Variants in TTC7B observed in about 807,000 individuals in gnomAD.
The protein encoded by TTC7B is tetratricopeptide repeat domain 7B.
Under a neutral mutation model 106.8 loss-of-function variants are expected in TTC7B, and 28 were observed. The observed-to-expected ratio is 0.26, with a 90% CI of 0.19 to 0.36. The LOEUF (loss-of-function observed/expected upper bound fraction) is 0.36. Ranked by LOEUF, TTC7B falls within the 10% of genes least tolerant of loss-of-function variation. The probability of loss-of-function intolerance (pLI) is 1.00; values close to 1 mark genes in which losing one functional copy is unlikely to be tolerated. For synonymous variants in TTC7B, 405 were observed against 430.6 expected, an observed-to-expected ratio of 0.94 and a Z score of 0.74; for missense variants, 862 against 1,076.4, an observed-to-expected ratio of 0.80 and a Z score of 2.79.
chr14:90,550,442 G>A (rs970308849), intron 19 of TTC7B, among the ~76,000 whole-genome samples: 1 of 152,156 alleles, frequency 6.6e-6, no homozygotes, highest in Non-Finnish European at 1.5e-5. Flanking sequence ...CCTATAACCT[G>A]TTGAATATGT....
rs777278212 is a variant in TTC7B, at chr14:90,652,909, G to C, written c.1460-11C>G. 4.3e-6 allele frequency: 7 copies of C among 1,614,118 alleles called. No individual in the cohort carries two copies. The East Asian group carries it at 1.3e-4, about 31-fold the overall frequency. On this transcript the variant is annotated splice_polypyrimidine_tract_variant and intron_variant, in intron 12 of 19. Transcript: ENST00000328459. ...TCCCTCGCAAAGAAGCTAAGAAAAG[G>C]GTTCAATTAGTCAGTGGCATGGGGG...
At chr14:90,763,247 C>A (rs9944015) in intron 3 of TTC7B, among the ~76,000 whole-genome samples, 1 of 152,006 alleles carries the variant, frequency 6.6e-6, no homozygotes. Flanking sequence ...AATCATTCAA[C>A]GTAAAATGCA....
chr14:90,791,765 T>C (rs1287175498), intron 1 of TTC7B, among the ~76,000 whole-genome samples: 2 of 152,008 alleles, frequency 1.3e-5, no homozygotes, highest in Non-Finnish European at 2.9e-5. Flanking sequence ...AGCCACCTAT[T>C]GAGGATGAGC....
chr14:90,706,051 C>T (rs1342304872), intron 5 of TTC7B, among the ~76,000 whole-genome samples: 1 of 152,146 alleles, frequency 6.6e-6, no homozygotes, highest in African/African-American at 2.4e-5. Context: ...TGCTCTTGTT[C>T]TGACATTAGC....
At chr14:90,744,972 C>T (rs182555884) in intron 3 of TTC7B, 50 bp from the exon 4 acceptor site, 3 of 1,598,420 alleles carry the variant, frequency 1.9e-6, no homozygotes, top group Admixed American at 3.4e-5. Context: ...TTTCATAAGG[C>T]TTCATTTTTA....
At chr14:90,605,563 G>T in intron 17 of TTC7B, 3 of 1,251,350 alleles carry the variant, frequency 2.4e-6, no homozygotes, top group South Asian at 1.3e-5. Flanking sequence ...CGCAAATGAA[G>T]TAGGTCTCAC....
chr14:90,637,928 C>T (rs888447077), intron 15 of TTC7B, among the ~76,000 whole-genome samples: 1 of 152,200 alleles, frequency 6.6e-6, no homozygotes, highest in African/African-American at 2.4e-5. Flanking sequence ...GGCAGGGCCT[C>T]GCTCTGTTGC....
At chr14:90,775,653 A>G (rs1290322596) in intron 3 of TTC7B, among the ~76,000 whole-genome samples, 1 of 152,116 alleles carries the variant, frequency 6.6e-6, no homozygotes, top group African/African-American at 2.4e-5. Flanking sequence ...CTTGACGGAA[A>G]AATTTCCTGC....
rs887171564 is a variant in TTC7B at position 90,652,706 on chromosome 14, T to C, written c.1517+135A>G. Reference sequence around the variant, plus strand: ...TACAGCAGGGTTTGTGTGCTGTGTGTTCGGTGCTCAGGACGAAAGACTCTC... The same window carrying C: ...TACAGCAGGGTTTGTGTGCTGTGTGCTCGGTGCTCAGGACGAAAGACTCTC... On this transcript the variant is annotated intron_variant, in intron 13 of 19. Coordinates refer to ENST00000328459, the MANE Select transcript of TTC7B (RefSeq NM_001010854.2). 5 of 899,048 alleles carry C rather than the reference T, an allele frequency of 5.6e-6. No individual in the cohort carries two copies. In the African/African-American group the frequency reaches 8.3e-5, roughly 15 times the overall value. The allele number at this position is 899,048 out of a possible 1,614,324, so 55.7% of individuals were successfully genotyped here. A position where few individuals can be genotyped will look rare whatever the true frequency, so the allele number is the denominator to read the frequency against.
chr14:90,565,425 C>T (rs866440058), intron 19 of TTC7B, among the ~76,000 whole-genome samples: 11 of 111,472 alleles, frequency 9.9e-5, no homozygotes, highest in Admixed American at 1.3e-4. Context: ...TTTTTTGAGA[C>T]GGAGTCTTGC....
chr14:90,754,947 A>T (rs1890242138), intron 3 of TTC7B, among the ~76,000 whole-genome samples: 2 of 152,248 alleles, frequency 1.3e-5, no homozygotes, highest in African/African-American at 4.8e-5. Flanking sequence ...AATTCACATA[A>T]CATAAAATTA....
Position 90,624,613 on chromosome 14 carries a change from C to G in TTC7B, c.1752-6568G>C, listed in dbSNP as rs1300420368. 2.0e-5 allele frequency among the ~76,000 whole-genome samples: 3 copies of G among 152,182 alleles called. No individual in the cohort carries two copies. The South Asian group carries it at 6.2e-4, about 32-fold the overall frequency. On this transcript the variant is annotated intron_variant, in intron 15 of 19. Coordinates refer to ENST00000328459, the MANE Select transcript of TTC7B (RefSeq NM_001010854.2). This position sits in a 1 kb window ranked among gnomAD's most constrained non-coding sequence, Gnocchi z 4.0. ...AGGGCAGATATTTCTGAATTCTGAGCCGTCCGAAGAACTCTCGATGAAAAT... is the reference window on the plus strand; with the variant it reads ...AGGGCAGATATTTCTGAATTCTGAGGCGTCCGAAGAACTCTCGATGAAAAT...
At chr14:90,795,724 G>A (rs77212952) in intron 1 of TTC7B, among the ~76,000 whole-genome samples, 2,361 of 152,280 alleles carry the variant, frequency 0.016, 43 homozygotes, top group African/African-American at 0.046. Context: ...CATCCATTTA[G>A]GATTGACTAT....
At chr14:90,587,296 C>G (rs1891756272) in intron 18 of TTC7B, among the ~76,000 whole-genome samples, 1 of 152,212 alleles carries the variant, frequency 6.6e-6, no homozygotes, top group Non-Finnish European at 1.5e-5. Flanking sequence ...CAGTAGCTTT[C>G]CAATGATTTT....
chr14:90,573,157 G>A (rs1566776892), intron 19 of TTC7B, among the ~76,000 whole-genome samples: 1 of 152,112 alleles, frequency 6.6e-6, no homozygotes, highest in Non-Finnish European at 1.5e-5. Flanking sequence ...TTAAGGGGAT[G>A]GCCCCTTCAT....
chr14:90,766,134 CG>C lies in TTC7B; in HGVS notation c.445+14603del, dbSNP rs1162272112. On this transcript the variant is annotated intron_variant, in intron 3 of 19. Coordinates refer to ENST00000328459, the MANE Select transcript of TTC7B (RefSeq NM_001010854.2). ...TCCTTGGCACAAAGACAGCCTACAA[CG>C]TTTTTTTTTTTTTTTAATAAACAAA... Among the ~76,000 whole-genome samples the C allele has an allele frequency of 6.5e-4, 69 of 105,956 alleles. 1 individual carries two copies. Among genetic ancestry groups the C allele is most frequent in the East Asian group, 3.8e-3 (13 of 3,380 alleles). The allele number at this position is 105,956 out of a possible 152,430, so 69.5% of individuals were successfully genotyped here.
At chr14:90,574,639 C>A (rs1006800873) in intron 19 of TTC7B, among the ~76,000 whole-genome samples, 2 of 152,216 alleles carry the variant, frequency 1.3e-5, no homozygotes, top group African/African-American at 2.4e-5. Context: ...AACAGGTTTG[C>A]ATTTCTGCTT....
At chr14:90,611,136 T>A (rs546055425) in intron 16 of TTC7B, among the ~76,000 whole-genome samples, 1 of 152,254 alleles carries the variant, frequency 6.6e-6, no homozygotes, top group Admixed American at 6.5e-5. Context: ...TCATTTTCCA[T>A]CCACCTTACA....
intron 16 of TTC7B, among the ~76,000 whole-genome samples, chr14:90,614,692 A>G (rs1290368478): frequency 6.6e-6 from 1 of 152,240 alleles, no homozygotes; most frequent in Admixed American, 6.5e-5. Flanking sequence ...TTTAGCTTCA[A>G]TTTTATTTTC....
Sources: allele counts gnomAD v4.1 joint callset (sites outside exome capture counted in the v4.1 genomes callset), GRCh38; gene constraint gnomAD v4.1.1; non-coding constraint Gnocchi (gnomAD v3.1); transcripts MANE v1.5; gene names NCBI Gene and HGNC (gene_info 2026-07-23, HGNC 2026-07-21).